The following BMP3 variants were observed in gnomAD, a reference collection of about 807,000 sequenced individuals.
BMP3 encodes bone morphogenetic protein 3 (osteogenic).
A neutral mutation model predicts 38.1 loss-of-function variants in BMP3; 23 were observed. The observed-to-expected ratio is 0.60, with a 90% CI of 0.43 to 0.86. BMP3 has a LOEUF of 0.86. Among genes scored for constraint, BMP3 ranks in the 40% least tolerant of loss-of-function variants. The pLI is 0.00. For missense variants in BMP3, 628 were observed against 579.6 expected, an observed-to-expected ratio of 1.08 and a Z score of -0.86; for synonymous variants, 258 against 225.7, an observed-to-expected ratio of 1.14 and a Z score of -1.28.
chr4:81,047,626 C>T (rs1418547688), intron 2 of BMP3, among the ~76,000 whole-genome samples: 1 of 151,230 alleles, frequency 6.6e-6, no homozygotes, highest in Non-Finnish European at 1.5e-5. Context: ...TGAAACAAGT[C>T]CATTTTTGCT....
rs193234222 is a variant in BMP3, at chr4:81,033,927, A to C, written c.316+2327A>C. On this transcript the variant is annotated intron_variant, in intron 1 of 2. Coordinates refer to ENST00000282701, the MANE Select transcript of BMP3 (RefSeq NM_001201.5). ...CTGTACTGAAGACGTTAGAAATTTT[A>C]ATGGAAGATCAGGTGGTGTGCTGTG... 3.2e-3 allele frequency among the ~76,000 whole-genome samples: 492 copies of C among 152,326 alleles called. 5 individuals are homozygous for C. Among genetic ancestry groups the C allele is most frequent in the Non-Finnish European group, 5.7e-3 (387 of 68,024 alleles).
At chr4:81,035,849 A>G (rs1425268159) in intron 1 of BMP3, among the ~76,000 whole-genome samples, 2 of 152,020 alleles carry the variant, frequency 1.3e-5, no homozygotes, top group Non-Finnish European at 1.5e-5. Context: ...ATGAGTCCCC[A>G]TAAAAGGCGA....
At chr4:81,034,082 G>A (rs1006811712) in intron 1 of BMP3, among the ~76,000 whole-genome samples, 4 of 152,108 alleles carry the variant, frequency 2.6e-5, no homozygotes, top group Admixed American at 1.3e-4. Context: ...GAATATCTTC[G>A]ATTGAAATTT....
intron 2 of BMP3, among the ~76,000 whole-genome samples, chr4:81,049,055 G>A (rs1740336915): frequency 6.6e-6 from 1 of 152,128 alleles, no homozygotes; most frequent in East Asian, 1.9e-4. Flanking sequence ...TCTGAAATGG[G>A]TCAAATAGTA....
In BMP3 at chr4:81,031,195, T is replaced by C. The variant is rs1312203634; in HGVS notation, c.-90T>C. On this transcript the variant is annotated 5_prime_UTR_variant, in exon 1 of 3. Transcript: ENST00000282701. ...CGCCCTCGCCCCAGCTGGTTTGGAGTTCAACCCTCGGCTCCGCCGCCGGCT... is the reference window on the plus strand; with the variant it reads ...CGCCCTCGCCCCAGCTGGTTTGGAGCTCAACCCTCGGCTCCGCCGCCGGCT... 59 of 1,383,334 alleles carry C rather than the reference T, an allele frequency of 4.3e-5. No individual in the cohort carries two copies. The East Asian group carries it at 4.3e-4, about 10-fold the overall frequency. 85.7% of individuals were successfully genotyped at this position (1,383,334 alleles called of 1,614,324 possible). A position where few individuals can be genotyped will look rare whatever the true frequency, so the allele number is the denominator to read the frequency against.
rs529505594 is a variant in BMP3, at chr4:81,040,166, A to G, written c.317-5572A>G. 4.6e-5 allele frequency among the ~76,000 whole-genome samples: 7 copies of G among 152,324 alleles called. No homozygotes were observed. The South Asian group carries it at 1.0e-3, about 23-fold the overall frequency. ...TTCAAAATATAAGATTATAATGCTA[A>G]TGGTAAACCCTAACTAGGCTGCAAT... On this transcript the variant is annotated intron_variant, in intron 1 of 2. Transcript: ENST00000282701.
At chr4:81,048,021 G>T (rs2109910956) in intron 2 of BMP3, among the ~76,000 whole-genome samples, 1 of 150,294 alleles carries the variant, frequency 6.7e-6, no homozygotes, top group South Asian at 2.1e-4. Context: ...CCACAAACTT[G>T]ATTGAAATTT....
chr4:81,045,758 C>A lies in BMP3; in HGVS notation c.337C>A (p.Leu113Met). 6.2e-7 allele frequency: 1 copy of A among 1,604,206 alleles called. No homozygotes were observed. The highest frequency in any genetic ancestry group is 1.1e-5 in the South Asian group (1 of 88,780). Residue 113 changes from leucine to methionine, a missense_variant, in exon 2 of 3, where the codon CTG becomes ATG. Physicochemically the swap from Leu to Met is conservative, Grantham distance 15. Transcript: ENST00000282701. ...AAAETLERKG[L>M]YIFNLTSLTK... is the part of the protein sequence containing the mutation. ...CCTAGAAACTCTTGAAAGAAAAGGA[C>A]TGTATATCTTCAATCTGACATCGCT... is the stretch of plus-strand genomic sequence containing the variant.
At chr4:81,038,904 T>A (rs1191554195) in intron 1 of BMP3, among the ~76,000 whole-genome samples, 1 of 152,216 alleles carries the variant, frequency 6.6e-6, no homozygotes, top group Non-Finnish European at 1.5e-5. Flanking sequence ...GGGCAGAGGC[T>A]AAGAGTAGAT....
chr4:81,042,459 A>G (rs778759614), intron 1 of BMP3, among the ~76,000 whole-genome samples: 2 of 152,172 alleles, frequency 1.3e-5, no homozygotes, highest in Non-Finnish European at 2.9e-5. Flanking sequence ...GAGGGCTGCT[A>G]TTGGTTGTAG....
chr4:81,052,528 G>C (rs1267428699), intron 2 of BMP3, among the ~76,000 whole-genome samples: 1 of 152,062 alleles, frequency 6.6e-6, no homozygotes, highest in Non-Finnish European at 1.5e-5. Flanking sequence ...AGGCTTCTTT[G>C]GTGAAAGTTC....
chr4:81,050,644 A>G (rs1386736302), intron 2 of BMP3, among the ~76,000 whole-genome samples: 2 of 152,176 alleles, frequency 1.3e-5, no homozygotes, highest in African/African-American at 4.8e-5. Flanking sequence ...AATGCGTTCA[A>G]AATGATACAA....
chr4:81,042,474 A>G (rs1217979997), intron 1 of BMP3, among the ~76,000 whole-genome samples: 1 of 152,196 alleles, frequency 6.6e-6, no homozygotes, highest in Non-Finnish European at 1.5e-5. Context: ...TTGTAGTGAA[A>G]TTGCAACTGG....
chr4:81,056,025 G>A lies in BMP3; in HGVS notation c.*2489G>A, dbSNP rs867365957. 3.9e-5 allele frequency: 6 copies of A among 152,242 alleles called. No homozygotes were observed. The South Asian group carries it at 1.2e-3, about 32-fold the overall frequency. 9.4% of individuals were successfully genotyped at this position (152,242 alleles called of 1,614,324 possible). A position where few individuals can be genotyped will look rare whatever the true frequency, so the allele number is the denominator to read the frequency against. On this transcript the variant is annotated 3_prime_UTR_variant, in exon 3 of 3. Coordinates refer to ENST00000282701, the MANE Select transcript of BMP3 (RefSeq NM_001201.5). ...AATAAAGCAAGATTATCTTTCAGTAGTAGAGATTGAAGTAAATGTATTAAT... is the reference window on the plus strand; with the variant it reads ...AATAAAGCAAGATTATCTTTCAGTAATAGAGATTGAAGTAAATGTATTAAT...
chr4:81,033,387 T>G (rs556053985), intron 1 of BMP3, among the ~76,000 whole-genome samples: 3 of 152,196 alleles, frequency 2.0e-5, no homozygotes, highest in Admixed American at 6.5e-5. Flanking sequence ...TATTCCAGAG[T>G]GTGCCTTATC....
At chr4:81,032,936 T>C (rs1449310352) in intron 1 of BMP3, among the ~76,000 whole-genome samples, 1 of 152,218 alleles carries the variant, frequency 6.6e-6, no homozygotes, top group East Asian at 1.9e-4. Context: ...AGAAACCTGC[T>C]CTGTGTTATC....
At position 81,056,810 on chromosome 4, in the gene BMP3, A is replaced by G. The variant is rs780387780; in HGVS notation, c.*3274A>G. ...ATAAAACTCTTATTGCCCATTTAAT[A>G]TTTTCATAGGCAATCAAATGTGAGT... On this transcript the variant is annotated 3_prime_UTR_variant, in exon 3 of 3. Transcript: ENST00000282701. The G allele has an allele frequency of 1.3e-5, 2 of 152,610 alleles. No individual in the cohort carries two copies. Among genetic ancestry groups the G allele is most frequent in the Non-Finnish European group, 2.9e-5 (2 of 68,036 alleles). The allele number at this position is 152,610 out of a possible 1,614,324, so 9.5% of individuals were successfully genotyped here. A position where few individuals can be genotyped will look rare whatever the true frequency, so the allele number is the denominator to read the frequency against.
intron 1 of BMP3, among the ~76,000 whole-genome samples, chr4:81,032,697 T>C (rs1739812666): frequency 6.6e-6 from 1 of 152,220 alleles, no homozygotes; most frequent in Non-Finnish European, 1.5e-5. Flanking sequence ...AAAGTTTTGA[T>C]ATGCAAGACT....
At chr4:81,038,845 A>G (rs557762364) in intron 1 of BMP3, among the ~76,000 whole-genome samples, 62 of 152,328 alleles carry the variant, frequency 4.1e-4, no homozygotes, top group Admixed American at 2.7e-3. Context: ...TCAAAGATCT[A>G]TAGAACATAG....
Sources: gnomAD v4.1 joint callset for allele counts (sites outside exome capture counted in the v4.1 genomes callset) on GRCh38, gnomAD v4.1.1 for gene constraint, MANE v1.5 for transcripts, NCBI Gene and HGNC (gene_info 2026-07-23, HGNC 2026-07-21) for gene names.